Variants in ITK observed in about 807,000 individuals in gnomAD.
ITK encodes IL2 inducible T cell kinase.
A neutral mutation model predicts 87.6 loss-of-function variants in ITK; 45 were observed. The ratio of observed to expected loss-of-function variants is 0.51; its 90% CI spans 0.40 to 0.66. The LOEUF is 0.66. ITK is among the 30% of genes least tolerant of loss of function. The pLI is 0.00. For synonymous variants in ITK, 303 were observed against 273.6 expected (o/e 1.11, Z -1.06); for missense variants, 605 against 766.3 (o/e 0.79, Z 2.48).
chr5:157,214,404 A>G (rs1754255439), intron 4 of ITK, 85 bp downstream of exon 4: 7 of 1,105,386 alleles, frequency 6.3e-6, no homozygotes, highest in Admixed American at 1.7e-5. Flanking sequence ...TGAGGGTGTC[A>G]GGAACAGAAT....
chr5:157,245,502 G>A (rs1470662190), intron 13 of ITK: 2 of 607,436 alleles, frequency 3.3e-6, no homozygotes, highest in Non-Finnish European at 3.0e-6. Context: ...ACTCAAGAAT[G>A]AAGATAAACT....
In ITK at chr5:157,217,884, C is replaced by T. The variant is rs752554340; in HGVS notation, c.472C>T (p.Pro158Ser). Residue 158 changes from proline to serine, a missense_variant, in exon 5 of 17, where the codon CCT (proline) becomes TCT (serine). Transcript: ENST00000422843. Reference protein sequence around the residue: ...PTKNASKKPLPPTPEDNRRPL... With the variant: ...PTKNASKKPLSPTPEDNRRPL... ...CTTTTCAGCTTCAAAGAAGCCTCTT[C>T]CTCCTACTCCTGAAGACAACAGGGT... 3 of 1,614,068 alleles carry T rather than the reference C, an allele frequency of 1.9e-6. No homozygotes were observed. Among genetic ancestry groups the T allele is most frequent in the Non-Finnish European group, 2.5e-6 (3 of 1,179,934 alleles).
intron 1 of ITK, among the ~76,000 whole-genome samples, chr5:157,183,033 G>A (rs1200110106): frequency 6.6e-6 from 1 of 152,108 alleles, no homozygotes; most frequent in Non-Finnish European, 1.5e-5. Flanking sequence ...TCTTCCATGT[G>A]AGATATAGAG....
chr5:157,220,096 G>A (rs967838402), intron 5 of ITK, among the ~76,000 whole-genome samples: 131 of 152,160 alleles, frequency 8.6e-4, no homozygotes, highest in East Asian at 3.9e-4. Context: ...ATGACATCTC[G>A]GGTTGTCATA....
intron 8 of ITK, among the ~76,000 whole-genome samples, chr5:157,233,632 G>A (rs1265551585): frequency 6.6e-6 from 1 of 152,128 alleles, no homozygotes; most frequent in African/African-American, 2.4e-5. Flanking sequence ...TGCAAATGTA[G>A]CCAACTCAAA....
Position 157,180,946 on chromosome 5 carries a change from C to G in ITK, c.-32C>G. 6.2e-7 allele frequency: 1 copy of G among 1,611,164 alleles called. No individual in the cohort carries two copies. Among genetic ancestry groups the G allele is most frequent in the Non-Finnish European group, 8.5e-7 (1 of 1,177,596 alleles). On this transcript the variant is annotated 5_prime_UTR_variant, in exon 1 of 17. Coordinates refer to ENST00000422843, the MANE Select transcript of ITK (RefSeq NM_005546.4). ...CCTTTGGTTGTGCTAAGAGGTGATG[C>G]CCAAGGTGCACCACCTTTCAAGAAC... is the stretch of plus-strand genomic sequence containing the variant.
At position 157,223,060 on chromosome 5, in the gene ITK, C is replaced by T. The variant is rs369327438; in HGVS notation, c.647+46C>T. On this transcript the variant is annotated intron_variant, in intron 6 of 16. Coordinates refer to ENST00000422843, the MANE Select transcript of ITK (RefSeq NM_005546.4). ...CTGTCCCCGTGTTTGAGGTGTGGTG[C>T]GAACAAATAAAATACCAGGATGATT... 171 of 1,608,596 alleles carry T rather than the reference C, an allele frequency of 1.1e-4. 1 individual carries two copies. Among genetic ancestry groups the T allele is most frequent in the Admixed American group, 1.5e-4 (9 of 59,976 alleles).
chr5:157,233,334 G>C (rs1194952869), intron 8 of ITK, among the ~76,000 whole-genome samples: 1 of 152,188 alleles, frequency 6.6e-6, no homozygotes, highest in East Asian at 1.9e-4. Context: ...GCAGAAAAAA[G>C]AGCAAGGGAA....
At position 157,247,235 on chromosome 5, in the gene ITK, T is replaced by C. The variant is rs187760848; in HGVS notation, c.1633+1236T>C. Among the ~76,000 whole-genome samples, 15 of 152,356 alleles carry C rather than the reference T, an allele frequency of 9.8e-5. No homozygotes were observed. The East Asian group carries it at 2.5e-3, about 25-fold the overall frequency. On this transcript the variant is annotated intron_variant, in intron 15 of 16. Transcript: ENST00000422843. ...CATCTCTAGGAGCCAAGTGGTTTGT[T>C]CATTATGAGTCCTACCTATTTCTTA...
At chr5:157,199,639 G>A (rs1282338985) in intron 1 of ITK, 3 of 152,230 alleles carry the variant, frequency 2.0e-5, no homozygotes, top group Non-Finnish European at 4.4e-5. Flanking sequence ...AGGCTCTGGA[G>A]TCATAGAGTG....
intron 1 of ITK, among the ~76,000 whole-genome samples, chr5:157,196,251 A>G (rs1214388496): frequency 6.6e-6 from 1 of 152,156 alleles, no homozygotes; most frequent in Non-Finnish European, 1.5e-5. Flanking sequence ...TGAGCAAATT[A>G]CTCTCTACAG....
intron 13 of ITK, chr5:157,245,449 G>A: frequency 3.8e-6 from 2 of 533,038 alleles, no homozygotes; most frequent in Non-Finnish European, 6.8e-6. Flanking sequence ...GGTTGCATTA[G>A]AGCCTATCTT....
In ITK at chr5:157,232,407, A is replaced by G; in HGVS notation, c.768+13A>G. On this transcript the variant is annotated intron_variant, in intron 8 of 16. Coordinates refer to ENST00000422843, the MANE Select transcript of ITK (RefSeq NM_005546.4). The stretch of plus-strand genomic sequence containing the variant: ...TCTTTTGGACACAGTAAGTCTCCTT[A>G]ACCTGTCTTTTGACATAAAATAAAA... The G allele has an allele frequency of 6.3e-7, 1 of 1,578,914 alleles. No individual in the cohort carries two copies. The highest frequency in any genetic ancestry group is 8.7e-7 in the Non-Finnish European group (1 of 1,149,476).
At chr5:157,211,148 T>C in intron 2 of ITK, 139 bp from the exon 3 acceptor site, 1 of 729,700 alleles carries the variant, frequency 1.4e-6, no homozygotes, top group Admixed American at 1.9e-5. Flanking sequence ...ATAAAAAGGA[T>C]ACTGGCCCCC....
chr5:157,209,975 G>A lies in ITK; in HGVS notation c.243+982G>A, dbSNP rs538518670. Reference sequence around the variant, plus strand: ...GAGTCTCACTCTGTCACCCAGGCTGGAGTGCAGTGGCGCAATCCCGGCTCA... The same window carrying A: ...GAGTCTCACTCTGTCACCCAGGCTGAAGTGCAGTGGCGCAATCCCGGCTCA... On this transcript the variant is annotated intron_variant, in intron 2 of 16. Transcript: ENST00000422843. 5.9e-5 allele frequency among the ~76,000 whole-genome samples: 9 copies of A among 151,450 alleles called. No individual in the cohort carries two copies. In the South Asian group the frequency reaches 1.9e-3, roughly 32 times the overall value.
At chr5:157,220,378 T>G (rs975986539) in intron 5 of ITK, among the ~76,000 whole-genome samples, 4 of 152,270 alleles carry the variant, frequency 2.6e-5, no homozygotes, top group African/African-American at 9.6e-5. Context: ...CAAGTCTTCC[T>G]CTTACAGTCC....
At chr5:157,217,141 A>T (rs1038827378) in intron 4 of ITK, among the ~76,000 whole-genome samples, 9 of 152,092 alleles carry the variant, frequency 5.9e-5, no homozygotes, top group Non-Finnish European at 1.2e-4. Context: ...GCAGAGCTAC[A>T]AAGGAGAAAT....
At chr5:157,234,810 G>C (rs1754744422) in intron 8 of ITK, among the ~76,000 whole-genome samples, 1 of 152,084 alleles carries the variant, frequency 6.6e-6, no homozygotes, top group South Asian at 2.1e-4. Context: ...GGGAGAGATA[G>C]GATTAGGAGA....
At chr5:157,218,766 G>C (rs1011450321) in intron 5 of ITK, among the ~76,000 whole-genome samples, 15 of 152,124 alleles carry the variant, frequency 9.9e-5, no homozygotes, top group African/African-American at 1.4e-4. Context: ...GGTTTCTGGC[G>C]TGGTGGTCTT....
Sources: gnomAD v4.1 joint callset for allele counts (sites outside exome capture counted in the v4.1 genomes callset) on GRCh38, gnomAD v4.1.1 for gene constraint, MANE v1.5 for transcripts, NCBI Gene and HGNC (gene_info 2026-07-23, HGNC 2026-07-21) for gene names.